WWP1: variants seen among roughly 807,000 people sequenced by gnomAD.
The protein encoded by WWP1 is NEDD4-like E3 ubiquitin-protein ligase WWP1.
Under a neutral mutation model 130.6 loss-of-function variants are expected in WWP1, and 49 were observed. The observed-to-expected ratio is 0.38, with a 90% CI of 0.30 to 0.48. The LOEUF is 0.48. Ranked by LOEUF, WWP1 falls within the 20% of genes least tolerant of loss-of-function variation. WWP1 has a pLI of 0.99. For missense variants in WWP1, 809 were observed against 1,100.6 expected, an observed-to-expected ratio of 0.74 and a Z score of 3.75; for synonymous variants, 332 against 367.8, an observed-to-expected ratio of 0.90 and a Z score of 1.11.
chr8:86,468,410 G>A lies in WWP1; in HGVS notation c.*1517G>A. ...TCCAAATCCTTATTATGAACACTCT[G>A]GTAATTTTCAAGCCTAAAGAATTAA... On this transcript the variant is annotated 3_prime_UTR_variant, in exon 25 of 25. Transcript: ENST00000517970. 1 of 448,876 alleles carries A rather than the reference G, an allele frequency of 2.2e-6. No homozygotes were observed. The highest frequency in any genetic ancestry group is 1.6e-5 in the South Asian group (1 of 62,104). The allele number at this position is 448,876 out of a possible 1,614,324, so 27.8% of individuals were successfully genotyped here.
chr8:86,430,824 T>TGG, intron 12 of WWP1, 73 bp downstream of exon 12: 1 of 518,216 alleles, frequency 1.9e-6, no homozygotes, highest in South Asian at 5.7e-5. Flanking sequence ...TATATATATA[T>TGG]ATATATATGT....
Position 86,430,798 on chromosome 8 carries a change from CATATATATATATAT to C in WWP1, c.1387+68_1387+81del, listed in dbSNP as rs36226595. The stretch of plus-strand genomic sequence containing the variant: ...TCTATAAGGGAGATATATATCTCTC[CATATATATATATAT>C]ATATATATATATATATATATGTTCC... On this transcript the variant is annotated intron_variant, in intron 12 of 24. Transcript: ENST00000517970. The C allele has an allele frequency of 1.3e-3, 265 of 202,344 alleles. 2 individuals are homozygous for C. Among genetic ancestry groups the C allele is most frequent in the African/African-American group, 5.5e-3 (192 of 34,782 alleles). The allele number at this position is 202,344 out of a possible 1,614,324, so 12.5% of individuals were successfully genotyped here. A position where few individuals can be genotyped will look rare whatever the true frequency, so the allele number is the denominator to read the frequency against.
At chr8:86,458,141 T>C (rs1811559271) in intron 22 of WWP1, 116 bp downstream of exon 22, 3 of 796,014 alleles carry the variant, frequency 3.8e-6, no homozygotes, top group Non-Finnish European at 5.8e-6. Flanking sequence ...CAGTTTATAA[T>C]TTTTTAATTC....
At chr8:86,427,060 G>A (rs1257082411) in intron 10 of WWP1, among the ~76,000 whole-genome samples, 2 of 152,044 alleles carry the variant, frequency 1.3e-5, no homozygotes, top group Non-Finnish European at 2.9e-5. Flanking sequence ...CTACCCAGGA[G>A]GCTGAGGCAG....
chr8:86,382,718 G>A (rs1474689027), intron 5 of WWP1, among the ~76,000 whole-genome samples: 1 of 152,070 alleles, frequency 6.6e-6, no homozygotes, highest in Non-Finnish European at 1.5e-5. Flanking sequence ...AAAAAACCAG[G>A]GTTCTAGTTT....
Position 86,355,349 on chromosome 8 carries a change from T to G in WWP1, c.-115+12419T>G, listed in dbSNP as rs184514271. Among the ~76,000 whole-genome samples, 159 of 152,316 alleles carry G rather than the reference T, an allele frequency of 1.0e-3. 1 individual carries two copies. The highest frequency in any genetic ancestry group is 1.6e-3 in the Non-Finnish European group (112 of 68,018). ...AGCTCTGTGTTTCTGAGTAATTCTC[T>G]TAATCACCTCTCATCCTCAGCTCAG... is the stretch of plus-strand genomic sequence containing the variant. On this transcript the variant is annotated intron_variant, in intron 1 of 24. Transcript: ENST00000517970.
chr8:86,425,025 A>T (rs563992520), intron 9 of WWP1, among the ~76,000 whole-genome samples, 198 bp from the exon 10 acceptor site: 62 of 151,926 alleles, frequency 4.1e-4, no homozygotes, highest in African/African-American at 1.4e-3. Flanking sequence ...AATAATTAAG[A>T]GGTTAAAAAA....
chr8:86,346,148 G>A (rs1822565173), intron 1 of WWP1, among the ~76,000 whole-genome samples: 1 of 152,180 alleles, frequency 6.6e-6, no homozygotes, highest in African/African-American at 2.4e-5. Context: ...TGTTTAATAT[G>A]TGCATGAGAG....
At chr8:86,377,146 C>G (rs559455905) in intron 3 of WWP1, among the ~76,000 whole-genome samples, 6 of 151,926 alleles carry the variant, frequency 3.9e-5, no homozygotes, top group Non-Finnish European at 7.4e-5. Context: ...AGTGCAGTGG[C>G]GTGATCTTGG....
At chr8:86,459,177 G>A (rs955630920) in intron 22 of WWP1, among the ~76,000 whole-genome samples, 1 of 151,410 alleles carries the variant, frequency 6.6e-6, no homozygotes, top group African/African-American at 2.4e-5. Context: ...TTGGGATTAC[G>A]GGTGTGCGCC....
intron 11 of WWP1, among the ~76,000 whole-genome samples, chr8:86,429,778 T>C (rs1280867609): frequency 1.3e-5 from 2 of 152,216 alleles, no homozygotes; most frequent in African/African-American, 4.8e-5. Context: ...TCATCTTCCC[T>C]CTATAGATTA....
Position 86,411,755 on chromosome 8 carries a change from C to A in WWP1, c.942C>A (p.Asp314Glu). 6.2e-7 allele frequency: 1 copy of A among 1,614,076 alleles called. No homozygotes were observed. Among genetic ancestry groups the A allele is most frequent in the Non-Finnish European group, 8.5e-7 (1 of 1,179,944 alleles). The change falls in exon 9 of 25, where the codon GAC becomes GAA. Residue 314 changes from aspartate to glutamate, a missense_variant. Asp to Glu is a conservative substitution (Grantham distance 45, BLOSUM62 2). Transcript: ENST00000517970. ...AAGCTAGAAGTATATTAGAGCCTGA[C>A]ACCTCTAATTCTAGAAGTAGTTCTG... ...ESEARSILEP[D>E]TSNSRSSSAF...
intron 3 of WWP1, among the ~76,000 whole-genome samples, chr8:86,378,364 T>C (rs1824788898): frequency 6.6e-6 from 1 of 152,132 alleles, no homozygotes; most frequent in South Asian, 2.1e-4. Flanking sequence ...GGTAAAGTTT[T>C]ATAGTTCTCT....
chr8:86,416,720 T>TA (rs959498295), intron 9 of WWP1, among the ~76,000 whole-genome samples: 2 of 152,140 alleles, frequency 1.3e-5, no homozygotes, highest in African/African-American at 4.8e-5. Context: ...AGTTATAAAT[T>TA]AGAGTTCTAT....
intron 5 of WWP1, among the ~76,000 whole-genome samples, chr8:86,382,434 C>T (rs1447596808): frequency 6.6e-6 from 1 of 151,934 alleles, no homozygotes; most frequent in Admixed American, 6.6e-5. Flanking sequence ...GGTGGTGGCT[C>T]ATGCCTGTAA....
chr8:86,367,280 T>C (rs1201820417), intron 1 of WWP1, among the ~76,000 whole-genome samples: 2 of 152,242 alleles, frequency 1.3e-5, no homozygotes, highest in Non-Finnish European at 2.9e-5. Context: ...AGTATGTTTG[T>C]TAATTGATCC....
intron 3 of WWP1, 140 bp downstream of exon 3, chr8:86,374,260 A>C: frequency 1.6e-6 from 1 of 615,744 alleles, no homozygotes; most frequent in South Asian, 2.4e-5. Context: ...CCTCAAAGGT[A>C]GATGCCCTCC....
chr8:86,424,391 C>G (rs1271211887), intron 9 of WWP1, among the ~76,000 whole-genome samples: 1 of 152,052 alleles, frequency 6.6e-6, no homozygotes, highest in African/African-American at 2.4e-5. Context: ...CTCCTCACTT[C>G]CCAGACGGGG....
chr8:86,389,302 C>T (rs548814399), intron 5 of WWP1, among the ~76,000 whole-genome samples: 3 of 152,068 alleles, frequency 2.0e-5, no homozygotes, highest in Non-Finnish European at 1.5e-5. Flanking sequence ...GAGGACCCTG[C>T]GGCCTTCCGC....
Sources: allele counts gnomAD v4.1 joint callset (sites outside exome capture counted in the v4.1 genomes callset), GRCh38; gene constraint gnomAD v4.1.1; transcripts MANE v1.5; gene names NCBI Gene and HGNC (gene_info 2026-07-23, HGNC 2026-07-21).